PCDHGA5: variants seen among roughly 807,000 people sequenced by gnomAD.
PCDHGA5 encodes the protein protocadherin gamma-A5.
A neutral mutation model predicts 56.7 loss-of-function variants in PCDHGA5; 36 were observed. That is an observed-to-expected ratio of 0.64 (90% confidence interval 0.49 to 0.84). The LOEUF (loss-of-function observed/expected upper bound fraction) is 0.84. Ranked by LOEUF, PCDHGA5 falls within the 40% of genes least tolerant of loss-of-function variation. The pLI is 0.00. For synonymous variants in PCDHGA5, 563 were observed against 520.2 expected (o/e 1.08, Z -1.12); for missense variants, 1,305 against 1,201.5 (o/e 1.09, Z -1.27).
chr5:141,464,773 C>G (rs576769467), intron 1 of PCDHGA5, among the ~76,000 whole-genome samples: 79 of 152,106 alleles, frequency 5.2e-4, no homozygotes, highest in African/African-American at 1.9e-3. Context: ...GAATCTTGTT[C>G]TGTTGCCCAG....
chr5:141,474,188 T>C (rs1203777014), intron 1 of PCDHGA5, among the ~76,000 whole-genome samples: 1 of 152,216 alleles, frequency 6.6e-6, no homozygotes, highest in Non-Finnish European at 1.5e-5. Context: ...CTACTTACAT[T>C]TTTAAAAGCT....
rs184835272 is a variant in PCDHGA5, at chr5:141,470,234, C to A, written c.2422-24573C>A. ...AACCATTCAGCTTCTTCACCAAACC[C>A]TTGAATGTCCCACCTGTCTAAATGG... On this transcript the variant is annotated intron_variant, in intron 1 of 3. Transcript: ENST00000518069. Among the ~76,000 whole-genome samples, 6 of 152,288 alleles carry A rather than the reference C, an allele frequency of 3.9e-5. No individual in the cohort carries two copies. The East Asian group carries it at 9.6e-4, about 24-fold the overall frequency.
intron 1 of PCDHGA5, chr5:141,419,337 C>A (rs1283848400): frequency 6.2e-7 from 1 of 1,613,906 alleles, no homozygotes; most frequent in South Asian, 1.1e-5. Flanking sequence ...TCTCTCATTG[C>A]CAGCGACCTG....
At chr5:141,376,187 T>C in intron 1 of PCDHGA5, 3 of 1,614,148 alleles carry the variant, frequency 1.9e-6, no homozygotes, top group Non-Finnish European at 2.5e-6. Flanking sequence ...CGCGGTCTCC[T>C]GCGTCTTCCT....
intron 1 of PCDHGA5, chr5:141,376,025 G>A (rs1561571387): frequency 6.2e-7 from 1 of 1,613,266 alleles, no homozygotes; most frequent in East Asian, 2.2e-5. Flanking sequence ...GGCCGTCCAG[G>A]ACCACGGCCA....
intron 1 of PCDHGA5, chr5:141,420,053 T>C (rs1178680836): frequency 3.1e-6 from 5 of 1,613,970 alleles, no homozygotes; most frequent in Non-Finnish European, 2.5e-6. Context: ...GTCAGTTCTC[T>C]GCTCCAAGTC....
intron 1 of PCDHGA5, chr5:141,392,764 C>G: frequency 6.8e-7 from 1 of 1,480,722 alleles, no homozygotes; most frequent in Non-Finnish European, 9.0e-7. Flanking sequence ...CTAAATAAGA[C>G]CCATTTATGC....
At position 141,485,122 on chromosome 5, in the gene PCDHGA5, G is replaced by A. The variant is rs1000179570; in HGVS notation, c.2422-9685G>A. The A allele has an allele frequency of 1.4e-6, 2 of 1,387,624 alleles. No individual in the cohort carries two copies. The highest frequency in any genetic ancestry group is 1.4e-5 in the African/African-American group (1 of 70,566). 86.0% of individuals were successfully genotyped at this position (1,387,624 alleles called of 1,614,324 possible). A position where few individuals can be genotyped will look rare whatever the true frequency, so the allele number is the denominator to read the frequency against. Reference sequence around the variant, plus strand: ...CAGCTGCTGTGGCTGTTTGGGGCGGGTCGGCTTCATCCGCGTCTCAGGAGC... The same window carrying A: ...CAGCTGCTGTGGCTGTTTGGGGCGGATCGGCTTCATCCGCGTCTCAGGAGC... On this transcript the variant is annotated intron_variant, in intron 1 of 3. Coordinates refer to ENST00000518069, the MANE Select transcript of PCDHGA5 (RefSeq NM_018918.3). The surrounding 1 kb of genome is among the most constrained non-coding windows in gnomAD (Gnocchi z 5.7).
At chr5:141,501,869 C>G (rs1595765055) in intron 2 of PCDHGA5, among the ~76,000 whole-genome samples, 1 of 152,130 alleles carries the variant, frequency 6.6e-6, no homozygotes, top group Non-Finnish European at 1.5e-5. Context: ...CCCAGGACGC[C>G]TCCTTACACT....
Position 141,418,262 on chromosome 5 carries a change from A to G in PCDHGA5, c.2421+51511A>G. On this transcript the variant is annotated intron_variant, in intron 1 of 3. Transcript: ENST00000518069. Reference sequence around the variant, plus strand: ...TAATGACCACGCCCCTCAATTCCGGAAAGATGAAATAAACTTAGAAATCAG... The same window carrying G: ...TAATGACCACGCCCCTCAATTCCGGGAAGATGAAATAAACTTAGAAATCAG... 2 of 1,614,068 alleles carry G rather than the reference A, an allele frequency of 1.2e-6. No homozygotes were observed. The highest frequency in any genetic ancestry group is 1.7e-6 in the Non-Finnish European group (2 of 1,179,902).
chr5:141,422,077 A>C (rs2096622436), intron 1 of PCDHGA5: 1 of 1,612,340 alleles, frequency 6.2e-7, no homozygotes, highest in Admixed American at 1.7e-5. Flanking sequence ...TTCATTTCGG[A>C]ACATGGAAAG....
intron 1 of PCDHGA5, chr5:141,390,312 C>A: frequency 1.2e-6 from 2 of 1,612,028 alleles, no homozygotes; most frequent in South Asian, 2.2e-5. Flanking sequence ...ATTTAATGCT[C>A]ATTGCCTACC....
chr5:141,410,780 A>T, intron 1 of PCDHGA5: 1 of 803,810 alleles, frequency 1.2e-6, no homozygotes. Context: ...TTCACTATGT[A>T]TTTGGTTCAT....
chr5:141,450,916 C>T (rs1168320527), intron 1 of PCDHGA5, among the ~76,000 whole-genome samples: 1 of 151,580 alleles, frequency 6.6e-6, no homozygotes, highest in Admixed American at 6.6e-5. Flanking sequence ...CCGCTGCCTC[C>T]CAGATTCAAG....
At chr5:141,457,750 C>G (rs900052683) in intron 1 of PCDHGA5, among the ~76,000 whole-genome samples, 4 of 152,188 alleles carry the variant, frequency 2.6e-5, no homozygotes, top group African/African-American at 9.6e-5. Flanking sequence ...AAGCTGAGCC[C>G]AGACATGGGT....
At chr5:141,405,074 G>A (rs536930748) in intron 1 of PCDHGA5, 7 of 1,613,794 alleles carry the variant, frequency 4.3e-6, no homozygotes, top group Non-Finnish European at 5.1e-6. Context: ...CCTCACCTTC[G>A]TTATCACGCT....
rs1203945578 is a variant in PCDHGA5 at position 141,512,055 on chromosome 5, T to G, written c.*882T>G. 6.5e-6 allele frequency: 1 copy of G among 152,698 alleles called. No homozygotes were observed. The highest frequency in any genetic ancestry group is 1.5e-5 in the Non-Finnish European group (1 of 68,092). 9.5% of individuals were successfully genotyped at this position (152,698 alleles called of 1,614,324 possible). The stretch of plus-strand genomic sequence containing the variant: ...GAGGCTCTGTATGTCCTCAGGGGAC[T>G]GACAACATCCTCCAGATTCCAGCCA... On this transcript the variant is annotated 3_prime_UTR_variant, in exon 4 of 4. Transcript: ENST00000518069.
intron 1 of PCDHGA5, chr5:141,415,444 T>A (rs770800491): frequency 1.9e-6 from 3 of 1,614,184 alleles, no homozygotes; most frequent in Non-Finnish European, 2.5e-6. Context: ...CCTGCAGACC[T>A]ATTCCCACGA....
chr5:141,430,629 C>A, intron 1 of PCDHGA5: 1 of 812,246 alleles, frequency 1.2e-6, no homozygotes. Context: ...AGGAATGAAC[C>A]ATCCCTGGGA....
Sources: gnomAD v4.1 joint callset for allele counts (sites outside exome capture counted in the v4.1 genomes callset) on GRCh38, gnomAD v4.1.1 for gene constraint, Gnocchi (gnomAD v3.1) non-coding constraint, MANE v1.5 for transcripts, NCBI Gene and HGNC (gene_info 2026-07-23, HGNC 2026-07-21) for gene names.